CTNNA3: variants seen among roughly 807,000 people sequenced by gnomAD.
The protein encoded by CTNNA3 is catenin alpha 3.
CTNNA3 carries 76 observed loss-of-function variants against 95.7 expected under a neutral mutation model. The observed-to-expected ratio is 0.79, with a 90% CI of 0.66 to 0.96. The LOEUF is 0.96. CTNNA3 is among the 40% of genes least tolerant of loss of function. The pLI is 0.00. For synonymous variants in CTNNA3, 431 were observed against 374.4 expected (o/e 1.15, Z -1.74); for missense variants, 1,191 against 1,089.8 (o/e 1.09, Z -1.31).
intron 8 of CTNNA3, 37 bp from the exon 9 acceptor site, chr10:66,766,453 A>C (rs780210971): frequency 2.6e-6 from 4 of 1,557,026 alleles, no homozygotes; most frequent in Non-Finnish European, 3.5e-6. Flanking sequence ...TTTTTTTTCC[A>C]GGAAATAGTT....
At chr10:67,150,322 T>C (rs1313212894) in intron 7 of CTNNA3, among the ~76,000 whole-genome samples, 1 of 152,192 alleles carries the variant, frequency 6.6e-6, no homozygotes, top group East Asian at 1.9e-4. Flanking sequence ...ACCTTGAATA[T>C]ACTTAAGACA....
At chr10:66,880,093 G>T (rs564899699) in intron 7 of CTNNA3, among the ~76,000 whole-genome samples, 2 of 152,184 alleles carry the variant, frequency 1.3e-5, no homozygotes, top group South Asian at 2.1e-4. Context: ...ACAGTATGGA[G>T]ACAACTGCAG....
At chr10:66,098,007 T>C (rs2081466542) in intron 14 of CTNNA3, 1 of 152,048 alleles carries the variant, frequency 6.6e-6, no homozygotes, top group Non-Finnish European at 1.5e-5. Flanking sequence ...CTCCACTTCA[T>C]CAAGGTGAAG....
rs1030527546 is a variant in CTNNA3 at position 66,928,118 on chromosome 10, C to T, written c.1048-152594G>A. 6 of 1,613,978 alleles carry T rather than the reference C, an allele frequency of 3.7e-6. No individual in the cohort carries two copies. In the African/African-American group the frequency reaches 4.0e-5, roughly 11 times the overall value. ...CCCCCTTTGCCCCCGACGGTGGGAG[C>T]CACAGAGCCCGGCCCAGAGACCGAT... is the stretch of plus-strand genomic sequence containing the variant. On this transcript the variant is annotated intron_variant, in intron 7 of 17. Coordinates refer to ENST00000433211, the MANE Select transcript of CTNNA3 (RefSeq NM_013266.4).
chr10:67,288,217 G>T (rs2132460683), intron 5 of CTNNA3, among the ~76,000 whole-genome samples: 1 of 152,216 alleles, frequency 6.6e-6, no homozygotes, highest in Admixed American at 6.5e-5. Flanking sequence ...ACACAGTTTT[G>T]CAAAAATTGC....
At chr10:66,541,304 T>G (rs1841843257) in intron 10 of CTNNA3, among the ~76,000 whole-genome samples, 3 of 152,186 alleles carry the variant, frequency 2.0e-5, no homozygotes, top group African/African-American at 7.2e-5. Flanking sequence ...TCAAATTTAA[T>G]TACATCAATT....
intron 7 of CTNNA3, among the ~76,000 whole-genome samples, chr10:67,110,363 A>C (rs1858859615): frequency 6.6e-6 from 1 of 150,646 alleles, no homozygotes; most frequent in African/African-American, 2.5e-5. Context: ...CTTGGCTTAC[A>C]AAAAAAAATC....
chr10:66,950,479 C>G (rs928662145), intron 7 of CTNNA3, among the ~76,000 whole-genome samples: 12 of 152,118 alleles, frequency 7.9e-5, no homozygotes, highest in African/African-American at 2.9e-4. Flanking sequence ...GAGAGTCTCA[C>G]TGAGACTCTA....
At chr10:66,130,472 T>A in intron 13 of CTNNA3, among the ~76,000 whole-genome samples, 1 of 149,462 alleles carries the variant, frequency 6.7e-6, no homozygotes. Context: ...CTAGCTAGAC[T>A]AATGAAAAGA....
At chr10:66,614,488 C>G (rs965709089) in intron 10 of CTNNA3, among the ~76,000 whole-genome samples, 1 of 152,032 alleles carries the variant, frequency 6.6e-6, no homozygotes, top group African/African-American at 2.4e-5. Flanking sequence ...AGTGCATGCC[C>G]TAGCCCAAAT....
chr10:66,674,744 G>A (rs767634028), intron 9 of CTNNA3, among the ~76,000 whole-genome samples: 25 of 151,968 alleles, frequency 1.6e-4, no homozygotes, highest in African/African-American at 3.9e-4. Flanking sequence ...TGCGTTCAGC[G>A]TTAGATTGCC....
chr10:67,149,541 C>A (rs534247205), intron 7 of CTNNA3, among the ~76,000 whole-genome samples: 68 of 152,162 alleles, frequency 4.5e-4, no homozygotes, highest in African/African-American at 1.6e-3. Flanking sequence ...GCCGAGATTG[C>A]GCCACTGCAC....
At chr10:66,835,379 C>G (rs1333718591) in intron 7 of CTNNA3, among the ~76,000 whole-genome samples, 1 of 152,186 alleles carries the variant, frequency 6.6e-6, no homozygotes, top group East Asian at 1.9e-4. Context: ...ATTCTCAGGC[C>G]CCAGTCAGAC....
intron 1 of CTNNA3, among the ~76,000 whole-genome samples, chr10:67,712,538 G>C (rs932206438): frequency 2.0e-5 from 3 of 152,216 alleles, no homozygotes; most frequent in African/African-American, 7.2e-5. Flanking sequence ...CTCCAGCTGT[G>C]GCTGAAAGGG....
intron 15 of CTNNA3, among the ~76,000 whole-genome samples, chr10:66,029,757 A>G (rs1473940713): frequency 2.0e-5 from 3 of 152,204 alleles, no homozygotes; most frequent in African/African-American, 7.2e-5. Context: ...AGCTTGGAAC[A>G]GTGCCTGATA....
chr10:66,659,710 T>C lies in CTNNA3; in HGVS notation c.1282-37926A>G, dbSNP rs954678568. 2.0e-5 allele frequency among the ~76,000 whole-genome samples: 3 copies of C among 152,254 alleles called. No homozygotes were observed. The East Asian group carries it at 5.8e-4, about 29-fold the overall frequency. On this transcript the variant is annotated intron_variant, in intron 9 of 17. Coordinates refer to ENST00000433211, the MANE Select transcript of CTNNA3 (RefSeq NM_013266.4). Reference sequence around the variant, plus strand: ...AAGAGGTCCCAAGGGAGCATGTTTATCTCTTCTGCCATGTGAGGACACAGT... The same window carrying C: ...AAGAGGTCCCAAGGGAGCATGTTTACCTCTTCTGCCATGTGAGGACACAGT...
chr10:67,419,685 G>A (rs953743737), intron 5 of CTNNA3, among the ~76,000 whole-genome samples: 2 of 152,166 alleles, frequency 1.3e-5, no homozygotes, highest in Non-Finnish European at 2.9e-5. Flanking sequence ...AGAAACTAAT[G>A]TAATTTGAAT....
intron 5 of CTNNA3, among the ~76,000 whole-genome samples, chr10:67,265,710 G>C (rs1168385284): frequency 6.6e-6 from 1 of 152,178 alleles, no homozygotes; most frequent in Non-Finnish European, 1.5e-5. Context: ...AGGAAAAAAA[G>C]TGGATTAATT....
rs569876857 is a variant in CTNNA3 at position 67,162,954 on chromosome 10, A to C, written c.1047+17363T>G. On this transcript the variant is annotated intron_variant, in intron 7 of 17. Coordinates refer to ENST00000433211, the MANE Select transcript of CTNNA3 (RefSeq NM_013266.4). Reference sequence around the variant, plus strand: ...AACTCAATATGCAACAGATAATTTAAATAGCTCTATAATTATTAAGGAAGT... The same window carrying C: ...AACTCAATATGCAACAGATAATTTACATAGCTCTATAATTATTAAGGAAGT... Among the ~76,000 whole-genome samples, 337 of 152,070 alleles carry C rather than the reference A, an allele frequency of 2.2e-3. 3 individuals are homozygous for C. Among genetic ancestry groups the C allele is most frequent in the African/African-American group, 7.7e-3 (320 of 41,550 alleles).
Sources: gnomAD v4.1 joint callset for allele counts (sites outside exome capture counted in the v4.1 genomes callset) on GRCh38, gnomAD v4.1.1 for gene constraint, MANE v1.5 for transcripts, NCBI Gene and HGNC (gene_info 2026-07-23, HGNC 2026-07-21) for gene names.